Variants in MSI2 observed in about 807,000 individuals in gnomAD.
The protein encoded by MSI2 is RNA-binding protein Musashi homolog 2.
In MSI2, 17 loss-of-function variants were observed where a neutral mutation model predicts 45.6. The observed-to-expected ratio is 0.37, with a 90% confidence interval of 0.26 to 0.56. The LOEUF (loss-of-function observed/expected upper bound fraction) is 0.56. MSI2 is among the 20% of genes least tolerant of loss of function. The probability of loss-of-function intolerance (pLI) is 0.77; values close to 1 mark genes in which losing one functional copy is unlikely to be tolerated. For missense variants in MSI2, 293 were observed against 444.2 expected (o/e 0.66, Z 3.06); for synonymous variants, 156 against 158.2 (o/e 0.99, Z 0.11).
chr17:57,308,565 C>G (rs1039747993), intron 5 of MSI2, among the ~76,000 whole-genome samples: 1 of 152,132 alleles, frequency 6.6e-6, no homozygotes, highest in Admixed American at 6.5e-5. Context: ...GATGTTTGAC[C>G]CTGCTTTTCC....
At chr17:57,668,103 G>A (rs1912507660) in intron 11 of MSI2, among the ~76,000 whole-genome samples, 1 of 152,150 alleles carries the variant, frequency 6.6e-6, no homozygotes, top group Non-Finnish European at 1.5e-5. Flanking sequence ...GAAGGCTGAG[G>A]CAGGAAAACC....
intron 6 of MSI2, among the ~76,000 whole-genome samples, chr17:57,487,910 CT>C (rs1427794376): frequency 1.3e-5 from 2 of 151,912 alleles, no homozygotes; most frequent in Non-Finnish European, 2.9e-5. Context: ...TTGGTGCCCC[CT>C]CTGTGCACAC....
chr17:57,630,533 C>A (rs1457332871), intron 10 of MSI2: 2 of 152,242 alleles, frequency 1.3e-5, no homozygotes, highest in Non-Finnish European at 2.9e-5. Context: ...TGGCCCTGAA[C>A]TGGGAAGGGT....
intron 7 of MSI2, among the ~76,000 whole-genome samples, chr17:57,550,096 G>A (rs914601880): frequency 1.3e-5 from 2 of 152,188 alleles, no homozygotes; most frequent in African/African-American, 4.8e-5. Context: ...CAGTGAATGC[G>A]GTCTTTTCTG....
intron 5 of MSI2, among the ~76,000 whole-genome samples, chr17:57,270,431 G>A (rs1285005445): frequency 1.3e-5 from 2 of 152,204 alleles, no homozygotes; most frequent in African/African-American, 4.8e-5. Flanking sequence ...CAACATGAGT[G>A]GGCAGAGTTG....
At chr17:57,645,604 T>G (rs1910596789) in intron 10 of MSI2, among the ~76,000 whole-genome samples, 1 of 131,042 alleles carries the variant, frequency 7.6e-6, no homozygotes, top group South Asian at 2.2e-4. Context: ...CCTGGCTAGC[T>G]TTTTTTTTTT....
chr17:57,657,165 GGAAA>G (rs1183420170), intron 11 of MSI2, among the ~76,000 whole-genome samples: 1 of 152,216 alleles, frequency 6.6e-6, no homozygotes, highest in Non-Finnish European at 1.5e-5. Context: ...GTAGCGCTGT[GGAAA>G]GAATGTACCA....
At position 57,552,175 on chromosome 17, in the gene MSI2, C is replaced by T. The variant is rs1300202535; in HGVS notation, c.454+22451C>T. On this transcript the variant is annotated intron_variant, in intron 7 of 13. Transcript: ENST00000284073. The surrounding 1 kb of genome is among the most constrained non-coding windows in gnomAD (Gnocchi z 4.3). ...CTGTCCCCCGACTTCCTCACTAGAC[C>T]CTCAGGCCATCTGGTCGTGAGGTTT... 1.3e-5 allele frequency among the ~76,000 whole-genome samples: 2 copies of T among 152,216 alleles called. No individual in the cohort carries two copies. The highest frequency in any genetic ancestry group is 3.9e-4 in the East Asian group (2 of 5,194).
At chr17:57,495,788 C>A (rs1436793930) in intron 6 of MSI2, among the ~76,000 whole-genome samples, 1 of 152,212 alleles carries the variant, frequency 6.6e-6, no homozygotes, top group Non-Finnish European at 1.5e-5. Context: ...AGCATCCCAG[C>A]GCCCTGAGTG....
intron 6 of MSI2, among the ~76,000 whole-genome samples, chr17:57,444,969 A>G (rs747931885): frequency 6.6e-6 from 1 of 152,170 alleles, no homozygotes; most frequent in Non-Finnish European, 1.5e-5. Context: ...TTCACGGGGC[A>G]TAGTTCCCCT....
intron 7 of MSI2, among the ~76,000 whole-genome samples, chr17:57,579,649 C>T (rs955810526): frequency 4.6e-5 from 7 of 152,182 alleles, no homozygotes; most frequent in African/African-American, 7.2e-5. Context: ...TGGAGGCAGC[C>T]GTCTTCTGGA....
At chr17:57,350,813 G>A (rs1425116197) in intron 5 of MSI2, among the ~76,000 whole-genome samples, 2 of 152,150 alleles carry the variant, frequency 1.3e-5, no homozygotes, top group Non-Finnish European at 2.9e-5. Context: ...TTCACCCACT[G>A]TCATCGTATC....
In MSI2 at chr17:57,529,559, T is replaced by TA; in HGVS notation, c.406-115dup. 4.6e-6 allele frequency: 4 copies of TA among 870,602 alleles called. No individual in the cohort carries two copies. Among genetic ancestry groups the TA allele is most frequent in the Admixed American group, 5.0e-5 (2 of 39,644 alleles). The allele number at this position is 870,602 out of a possible 1,614,324, so 53.9% of individuals were successfully genotyped here. On this transcript the variant is annotated intron_variant, in intron 6 of 13. Transcript: ENST00000284073. This position sits in a 1 kb window ranked among gnomAD's most constrained non-coding sequence, Gnocchi z 5.3. ...TTTTGCATTTTCAAATATTTTTTGA[T>TA]AAGCAACTATTACTTCTGTAATGGA...
intron 5 of MSI2, among the ~76,000 whole-genome samples, chr17:57,316,742 C>A (rs374877274): frequency 2.0e-5 from 3 of 152,248 alleles, no homozygotes; most frequent in Non-Finnish European, 2.9e-5. Context: ...TTAATCTAAT[C>A]GCATGGATAT....
chr17:57,428,408 A>T (rs1284126322), intron 6 of MSI2, among the ~76,000 whole-genome samples: 1 of 151,418 alleles, frequency 6.6e-6, no homozygotes, highest in Non-Finnish European at 1.5e-5. Context: ...TTTATTTTTT[A>T]AAAGAGATGT....
intron 5 of MSI2, among the ~76,000 whole-genome samples, chr17:57,393,280 A>G (rs1053176785): frequency 6.6e-6 from 1 of 152,216 alleles, no homozygotes; most frequent in African/African-American, 2.4e-5. Flanking sequence ...ATGCTGAACT[A>G]TTGAGTATAA....
chr17:57,583,674 G>A (rs2088268922), intron 7 of MSI2, among the ~76,000 whole-genome samples: 1 of 151,994 alleles, frequency 6.6e-6, no homozygotes, highest in Admixed American at 6.6e-5. Flanking sequence ...TGGTTTCACT[G>A]TGTTCCCCAG....
intron 5 of MSI2, among the ~76,000 whole-genome samples, chr17:57,358,214 T>G (rs1488654951): frequency 1.3e-5 from 2 of 152,032 alleles, no homozygotes; most frequent in Non-Finnish European, 2.9e-5. Flanking sequence ...GGTGTGTGTG[T>G]GTGTGTGTGT....
At chr17:57,523,540 G>T (rs567771238) in intron 6 of MSI2, 2 of 152,330 alleles carry the variant, frequency 1.3e-5, no homozygotes, top group Non-Finnish European at 2.9e-5. Context: ...GGATTAGAGA[G>T]GCATCACCCA....
Sources: allele counts gnomAD v4.1 joint callset (sites outside exome capture counted in the v4.1 genomes callset), GRCh38; gene constraint gnomAD v4.1.1; non-coding constraint Gnocchi (gnomAD v3.1); transcripts MANE v1.5; gene names NCBI Gene and HGNC (gene_info 2026-07-23, HGNC 2026-07-21).